The following SCFD2 variants were observed in gnomAD, a reference collection of about 807,000 sequenced individuals.
SCFD2 encodes sec1 family domain containing 2.
Under a neutral mutation model 58.9 loss-of-function variants are expected in SCFD2, and 54 were observed. The observed-to-expected ratio is 0.92, with a 90% confidence interval of 0.74 to 1.15. The LOEUF is 1.15. Ranked by LOEUF, SCFD2 falls within the 50% of genes most tolerant of loss-of-function variation. SCFD2 has a pLI of 0.00. For missense variants in SCFD2, 805 were observed against 836.6 expected, an observed-to-expected ratio of 0.96 and a Z score of 0.47; for synonymous variants, 321 against 335.9, an observed-to-expected ratio of 0.96 and a Z score of 0.49.
chr4:53,128,983 T>C (rs1251216822), intron 5 of SCFD2, among the ~76,000 whole-genome samples: 1 of 152,210 alleles, frequency 6.6e-6, no homozygotes, highest in Non-Finnish European at 1.5e-5. Flanking sequence ...CAGTACAGAT[T>C]TGTTTTTCTT....
intron 2 of SCFD2, among the ~76,000 whole-genome samples, chr4:53,320,285 A>G (rs893970890): frequency 7.9e-5 from 12 of 152,216 alleles, no homozygotes; most frequent in African/African-American, 2.7e-4. Flanking sequence ...TAAAATGCCA[A>G]TTTCTGAGAT....
chr4:53,071,221 T>C (rs190746141), intron 5 of SCFD2, among the ~76,000 whole-genome samples: 3 of 152,250 alleles, frequency 2.0e-5, no homozygotes. Context: ...TCCTTGATGA[T>C]TATGGAATTA....
intron 5 of SCFD2, among the ~76,000 whole-genome samples, chr4:52,934,121 A>G (rs775066179): frequency 2.0e-5 from 3 of 152,232 alleles, no homozygotes; most frequent in Non-Finnish European, 4.4e-5. Flanking sequence ...ACCGAAAAAA[A>G]TGAAAGAAAA....
At chr4:52,900,094 A>T (rs552558888) in intron 7 of SCFD2, among the ~76,000 whole-genome samples, 1 of 152,082 alleles carries the variant, frequency 6.6e-6, no homozygotes, top group Admixed American at 6.6e-5. Flanking sequence ...CATGGGTTTG[A>T]ACTTCCTCCT....
At chr4:53,216,160 T>C (rs911050288) in intron 4 of SCFD2, among the ~76,000 whole-genome samples, 6 of 152,244 alleles carry the variant, frequency 3.9e-5, no homozygotes, top group African/African-American at 1.4e-4. Context: ...GCTGGCCTCA[T>C]AAAATGAGTT....
At chr4:53,215,511 G>C (rs1728791633) in intron 4 of SCFD2, among the ~76,000 whole-genome samples, 1 of 152,142 alleles carries the variant, frequency 6.6e-6, no homozygotes, top group South Asian at 2.1e-4. Flanking sequence ...CTGAGACTTT[G>C]CTGAAGTTGC....
chr4:53,232,381 C>G (rs1729466376), intron 4 of SCFD2, among the ~76,000 whole-genome samples: 5 of 152,022 alleles, frequency 3.3e-5, no homozygotes, highest in Admixed American at 3.3e-4. Flanking sequence ...CAATTTTTAA[C>G]ACATATTTTT....
intron 5 of SCFD2, among the ~76,000 whole-genome samples, chr4:52,986,222 G>A (rs1721488684): frequency 1.8e-5 from 1 of 55,226 alleles, no homozygotes; most frequent in Non-Finnish European, 4.7e-5. Context: ...GGGGAAAAAA[G>A]GGTAAAGTTT....
chr4:52,985,930 C>A (rs1721481426), intron 5 of SCFD2, among the ~76,000 whole-genome samples: 1 of 151,936 alleles, frequency 6.6e-6, no homozygotes, highest in Non-Finnish European at 1.5e-5. Context: ...GGTATATGGA[C>A]ATTTTTTTTT....
rs574691344 is a variant in SCFD2, at chr4:53,355,022, C to T, written c.839-2256G>A. On this transcript the variant is annotated intron_variant, in intron 1 of 8. Transcript: ENST00000401642. The stretch of plus-strand genomic sequence containing the variant: ...TCAAGGGCTAAACTTTTCAAGTTAC[C>T]GGGACCAGAAAATACCAATTCTGTA... Among the ~76,000 whole-genome samples the T allele has an allele frequency of 6.6e-5, 10 of 152,186 alleles. No homozygotes were observed. In the South Asian group the frequency reaches 1.2e-3, roughly 19 times the overall value.
chr4:52,874,187 G>T lies in SCFD2; in HGVS notation c.1963-126C>A, dbSNP rs560621256. The T allele has an allele frequency of 1.2e-4, 83 of 688,612 alleles. No individual in the cohort carries two copies. The African/African-American group carries it at 1.3e-3, about 11-fold the overall frequency. 42.7% of individuals were successfully genotyped at this position (688,612 alleles called of 1,614,324 possible). ...GGGCATGAAGTGAAGTTCTAGGAAG[G>T]AAAAGTAGAAGGCAGCCAGCTGAAT... is the stretch of plus-strand genomic sequence containing the variant. On this transcript the variant is annotated intron_variant, in intron 8 of 8. Transcript: ENST00000401642.
intron 3 of SCFD2, among the ~76,000 whole-genome samples, chr4:53,282,234 T>C (rs916676874): frequency 1.3e-5 from 2 of 152,174 alleles, no homozygotes; most frequent in Non-Finnish European, 2.9e-5. Flanking sequence ...TTTGGGAAAG[T>C]TTCACATTCT....
At chr4:53,162,955 T>C (rs1385798279) in intron 4 of SCFD2, among the ~76,000 whole-genome samples, 1 of 152,150 alleles carries the variant, frequency 6.6e-6, no homozygotes, top group African/African-American at 2.4e-5. Context: ...CCATTTCCTA[T>C]CACTTGTTTG....
At chr4:52,891,838 T>C (rs4864692) in intron 7 of SCFD2, among the ~76,000 whole-genome samples, 137,220 of 152,124 alleles carry the variant, frequency 0.9, 61,957 homozygotes, top group East Asian at 1. Context: ...TTTCCTGAAA[T>C]GTCCCCCCTG....
chr4:52,998,580 G>T (rs1721796139), intron 5 of SCFD2, among the ~76,000 whole-genome samples: 2 of 152,106 alleles, frequency 1.3e-5, no homozygotes, highest in South Asian at 4.2e-4. Flanking sequence ...AGCCCCTTTA[G>T]CCCCAGCTGG....
At chr4:53,015,775 G>C (rs997587464) in intron 5 of SCFD2, among the ~76,000 whole-genome samples, 8 of 152,050 alleles carry the variant, frequency 5.3e-5, no homozygotes, top group African/African-American at 1.9e-4. Context: ...ATTGATAAAC[G>C]GTCTTCTGTA....
At chr4:53,046,111 T>C (rs2148827966) in intron 5 of SCFD2, among the ~76,000 whole-genome samples, 1 of 152,304 alleles carries the variant, frequency 6.6e-6, no homozygotes, top group African/African-American at 2.4e-5. Flanking sequence ...TTCATTTCTC[T>C]TCTACCATGA....
intron 4 of SCFD2, among the ~76,000 whole-genome samples, chr4:53,238,444 CA>C (rs1484129458): frequency 2.7e-5 from 4 of 147,696 alleles, no homozygotes; most frequent in African/African-American, 7.6e-5. Flanking sequence ...GCTGGCCGGG[CA>C]GGGGGCTGAC....
At chr4:53,114,256 C>T (rs1725256587) in intron 5 of SCFD2, among the ~76,000 whole-genome samples, 1 of 152,148 alleles carries the variant, frequency 6.6e-6, no homozygotes, top group Non-Finnish European at 1.5e-5. Context: ...ACACATACTA[C>T]ACATAGTATT....
Sources: gnomAD v4.1 joint callset for allele counts (sites outside exome capture counted in the v4.1 genomes callset) on GRCh38, gnomAD v4.1.1 for gene constraint, MANE v1.5 for transcripts, NCBI Gene and HGNC (gene_info 2026-07-23, HGNC 2026-07-21) for gene names.